ZNRF3: variants seen among roughly 807,000 people sequenced by gnomAD.
ZNRF3 encodes the protein zinc and ring finger 3.
Under a neutral mutation model 72.5 loss-of-function variants are expected in ZNRF3, and 23 were observed. The observed-to-expected ratio is 0.32, with a 90% confidence interval of 0.23 to 0.45. The LOEUF (loss-of-function observed/expected upper bound fraction) is 0.45, where lower values mean the gene tolerates loss of function less well. ZNRF3 is among the 20% of genes least tolerant of loss of function. The pLI, the probability that ZNRF3 is intolerant of heterozygous loss-of-function variation, is 1.00. For synonymous variants in ZNRF3, 610 were observed against 545.3 expected (o/e 1.12, Z -1.65); for missense variants, 1,169 against 1,272.1 (o/e 0.92, Z 1.23).
chr22:28,918,578 G>GTA (rs1302056087), intron 1 of ZNRF3, among the ~76,000 whole-genome samples: 1 of 115,802 alleles, frequency 8.6e-6, no homozygotes, highest in African/African-American at 3.2e-5. Context: ...GTGTGTGTGT[G>GTA]TGTAAAGTCT....
intron 2 of ZNRF3, among the ~76,000 whole-genome samples, chr22:29,003,676 C>A (rs2036192754): frequency 1.3e-5 from 2 of 149,822 alleles, no homozygotes; most frequent in African/African-American, 4.9e-5. Context: ...CCTGTCTCTA[C>A]AAAACATTAA....
At chr22:28,885,264 C>G (rs924349872) in intron 1 of ZNRF3, among the ~76,000 whole-genome samples, 21 of 152,214 alleles carry the variant, frequency 1.4e-4, no homozygotes, top group Middle Eastern at 6.8e-3. Flanking sequence ...AGCTTGACTC[C>G]GTAGAGGTGT....
At chr22:28,923,849 T>C (rs1044275661) in intron 1 of ZNRF3, among the ~76,000 whole-genome samples, 1 of 152,278 alleles carries the variant, frequency 6.6e-6, no homozygotes, top group Non-Finnish European at 1.5e-5. Flanking sequence ...TCACTGCTCA[T>C]GCACTGGCAG....
At chr22:28,924,063 C>G (rs960728851) in intron 1 of ZNRF3, among the ~76,000 whole-genome samples, 2 of 152,238 alleles carry the variant, frequency 1.3e-5, no homozygotes, top group Non-Finnish European at 2.9e-5. Context: ...TGGAGCAGCC[C>G]GGATTGATGC....
At chr22:28,918,537 CGTGTGTGT>C (rs56876101) in intron 1 of ZNRF3, among the ~76,000 whole-genome samples, 6,635 of 148,356 alleles carry the variant, frequency 0.045, 270 homozygotes, top group East Asian at 0.15. Flanking sequence ...TGCATGTGTG[CGTGTGTGT>C]GTGTGTGTGT....
intron 1 of ZNRF3, among the ~76,000 whole-genome samples, chr22:28,913,519 T>G (rs75074788): frequency 0.011 from 1,690 of 152,260 alleles, 37 homozygotes; most frequent in African/African-American, 0.039. Context: ...AACTACCAGC[T>G]TTCCACAGGG....
chr22:28,982,733 T>G (rs1817657620), intron 1 of ZNRF3, among the ~76,000 whole-genome samples: 1 of 152,138 alleles, frequency 6.6e-6, no homozygotes, highest in African/African-American at 2.4e-5. Context: ...AAGAATATTT[T>G]CACATAATGA....
intron 1 of ZNRF3, among the ~76,000 whole-genome samples, chr22:28,945,519 C>T (rs992723476): frequency 1.3e-5 from 2 of 151,436 alleles, no homozygotes; most frequent in African/African-American, 4.9e-5. Flanking sequence ...TGGCAAAACC[C>T]GTCTCTATTT....
chr22:29,050,934 C>T lies in ZNRF3; in HGVS notation c.2753C>T (p.Ala918Val), dbSNP rs1468810804. 6 of 1,517,840 alleles carry T rather than the reference C, an allele frequency of 4.0e-6. No homozygotes were observed. The highest frequency in any genetic ancestry group is 5.3e-6 in the Non-Finnish European group (6 of 1,140,984). The allele number at this position is 1,517,840 out of a possible 1,614,324, so 94.0% of individuals were successfully genotyped here. The change falls in exon 8 of 9, where the codon GCC (alanine) becomes GTC (valine). Residue 918 changes from alanine (A) to valine (V), a missense_variant. Physicochemically the swap from Ala to Val is moderately conservative, Grantham distance 64 (BLOSUM62 0). Coordinates refer to ENST00000544604, the MANE Select transcript of ZNRF3 (RefSeq NM_001206998.2). Reference sequence around the variant, plus strand: ...GACACTCAGGAGTCCAGCACCACTGCCACTGAGGCTGCAGGTGAGAGCAGG... The same window carrying T: ...GACACTCAGGAGTCCAGCACCACTGTCACTGAGGCTGCAGGTGAGAGCAGG... ...LQDTQESSTT[A>V]TEAAGPRSHS...
intron 1 of ZNRF3, among the ~76,000 whole-genome samples, chr22:28,946,299 C>CTTG (rs770318001): frequency 1.1e-4 from 17 of 152,152 alleles, no homozygotes; most frequent in Non-Finnish European, 2.4e-4. Context: ...TGTGTTTCTT[C>CTTG]TTGTTGTTGT....
At chr22:28,992,425 A>G (rs2035973147) in intron 2 of ZNRF3, among the ~76,000 whole-genome samples, 1 of 150,862 alleles carries the variant, frequency 6.6e-6, no homozygotes, top group African/African-American at 2.4e-5. Context: ...CCCCTCCTCA[A>G]CTCTTCTCCA....
intron 2 of ZNRF3, among the ~76,000 whole-genome samples, chr22:29,022,286 T>A (rs2036554827): frequency 6.6e-6 from 1 of 152,226 alleles, no homozygotes; most frequent in African/African-American, 2.4e-5. Flanking sequence ...ATTAACCAAC[T>A]AATGGCAGTG....
intron 1 of ZNRF3, chr22:28,986,615 G>T (rs371895794): frequency 1.0e-6 from 1 of 985,246 alleles, no homozygotes; most frequent in East Asian, 1.1e-4. Flanking sequence ...CATAGAGTCC[G>T]GGATGTGTTT....
rs189802801 is a variant in ZNRF3 at position 29,023,654 on chromosome 22, C to T, written c.427-18841C>T. Among the ~76,000 whole-genome samples, 80 of 152,314 alleles carry T rather than the reference C, an allele frequency of 5.3e-4. 1 individual carries two copies. The highest frequency in any genetic ancestry group is 1.8e-3 in the African/African-American group (74 of 41,556). The stretch of plus-strand genomic sequence containing the variant: ...TCTCTCCTTGGGTGTGCTGCATTGT[C>T]TCCCAGGAATAGAGAAGTAGGATCA... On this transcript the variant is annotated intron_variant, in intron 2 of 8. Transcript: ENST00000544604.
intron 2 of ZNRF3, among the ~76,000 whole-genome samples, chr22:29,019,710 C>G (rs2036496388): frequency 6.6e-6 from 1 of 152,098 alleles, no homozygotes; most frequent in Non-Finnish European, 1.5e-5. Flanking sequence ...CAAACTACAC[C>G]AAGCACTTTA....
chr22:28,922,873 T>G (rs1449736505), intron 1 of ZNRF3, among the ~76,000 whole-genome samples: 1 of 152,138 alleles, frequency 6.6e-6, no homozygotes, highest in Non-Finnish European at 1.5e-5. Flanking sequence ...ACTCCTGAGT[T>G]AAACGTGTAG....
intron 1 of ZNRF3, among the ~76,000 whole-genome samples, chr22:28,925,559 A>T (rs57111962): frequency 0.018 from 2,730 of 151,760 alleles, 95 homozygotes; most frequent in African/African-American, 0.063. Flanking sequence ...CTGTAAAAGC[A>T]CCCCCCAATA....
chr22:29,041,572 C>T lies in ZNRF3; in HGVS notation c.427-923C>T, dbSNP rs141860920. ...TCAGTAGTTCCCCAAGTAGTTGAAT[C>T]ATCTGAATCCCCCAGAAAGCATACA... On this transcript the variant is annotated intron_variant, in intron 2 of 8. Transcript: ENST00000544604. 3.9e-5 allele frequency among the ~76,000 whole-genome samples: 6 copies of T among 152,190 alleles called. No individual in the cohort carries two copies. In the East Asian group the frequency reaches 1.2e-3, roughly 29 times the overall value.
At chr22:28,965,344 C>G (rs1378847230) in intron 1 of ZNRF3, among the ~76,000 whole-genome samples, 2 of 152,202 alleles carry the variant, frequency 1.3e-5, no homozygotes, top group Non-Finnish European at 2.9e-5. Flanking sequence ...AGGCACTGTT[C>G]TGCTAGTTTT....
Sources: allele counts gnomAD v4.1 joint callset (sites outside exome capture counted in the v4.1 genomes callset), GRCh38; gene constraint gnomAD v4.1.1; transcripts MANE v1.5; gene names NCBI Gene and HGNC (gene_info 2026-07-23, HGNC 2026-07-21).